The following TACC3 variants were observed in gnomAD, a reference collection of about 807,000 sequenced individuals.
TACC3 encodes transforming acidic coiled-coil-containing protein 3.
Under a neutral mutation model 86.0 loss-of-function variants are expected in TACC3, and 52 were observed. The ratio of observed to expected loss-of-function variants is 0.60; its 90% CI spans 0.48 to 0.76. TACC3 has a LOEUF of 0.76. Ranked by LOEUF, TACC3 falls within the 30% of genes least tolerant of loss-of-function variation. The probability of loss-of-function intolerance (pLI) is 0.00; values close to 1 mark genes in which losing one functional copy is unlikely to be tolerated. For missense variants in TACC3, 1,120 were observed against 1,070.4 expected, an observed-to-expected ratio of 1.05 and a Z score of -0.65; for synonymous variants, 512 against 430.0, an observed-to-expected ratio of 1.19 and a Z score of -2.36.
chr4:1,737,022 A>G (rs1449169365), intron 8 of TACC3, among the ~76,000 whole-genome samples: 1 of 152,098 alleles, frequency 6.6e-6, no homozygotes, highest in Non-Finnish European at 1.5e-5. Flanking sequence ...TCCCGGAAGG[A>G]CAAGCAGCCA....
intron 6 of TACC3, among the ~76,000 whole-genome samples, chr4:1,732,005 G>GT (rs2108696356): frequency 6.6e-6 from 1 of 152,390 alleles, no homozygotes; most frequent in East Asian, 1.9e-4. Flanking sequence ...CGGTTTGTCC[G>GT]TAAGACTGGA....
intron 6 of TACC3, 87 bp downstream of exon 6, chr4:1,731,388 G>C: frequency 6.7e-7 from 1 of 1,482,824 alleles, no homozygotes; most frequent in Non-Finnish European, 9.2e-7. Context: ...CTGCATCATC[G>C]GCAGGTGGTC....
rs754437302 is a variant in TACC3 at position 1,730,932 on chromosome 4, G to C, written c.1431G>C (p.Leu477Phe). The change falls in exon 5 of 16, where the codon TTG (leucine) becomes TTC (phenylalanine). Residue 477 changes from leucine (L) to phenylalanine (F), a missense_variant. Physicochemically the swap from Leu to Phe is conservative, Grantham distance 22. Coordinates refer to ENST00000313288, the MANE Select transcript of TACC3 (RefSeq NM_006342.3). ...CGGAGGACACGCCTGTGGTGCAGTT[G>C]GCAGCCGAGACCCCAACAGCAGAGA... ...ASAEDTPVVQLAAETPTAESK... is the reference protein window; with the variant it reads ...ASAEDTPVVQFAAETPTAESK... 1.9e-6 allele frequency: 3 copies of C among 1,613,454 alleles called. No individual in the cohort carries two copies. Among genetic ancestry groups the C allele is most frequent in the Non-Finnish European group, 2.5e-6 (3 of 1,180,038 alleles).
intron 6 of TACC3, among the ~76,000 whole-genome samples, chr4:1,733,844 G>A (rs1316522613): frequency 6.6e-6 from 1 of 152,090 alleles, no homozygotes; most frequent in African/African-American, 2.4e-5. Flanking sequence ...TGGGTGTGTT[G>A]GCACATGCCT....
intron 3 of TACC3, among the ~76,000 whole-genome samples, chr4:1,726,856 C>T (rs1375859996): frequency 6.6e-6 from 1 of 152,044 alleles, no homozygotes; most frequent in Non-Finnish European, 1.5e-5. Flanking sequence ...ATGCCGGGTG[C>T]GGTGGCTCCT....
At position 1,728,015 on chromosome 4, in the gene TACC3, C is replaced by G. The variant is rs774108725; in HGVS notation, c.613C>G (p.Pro205Ala). ...ACCCGCCTCTGAGACCCTAGAAGAC[C>G]CTTGCAGGACAGAGTCCCAGCACAA... is the stretch of plus-strand genomic sequence containing the variant. ...VTPASETLED[P>A]CRTESQHKAE... The change falls in exon 4 of 16, where the codon CCT (proline) becomes GCT (alanine). Residue 205 changes from proline (P) to alanine (A), a missense_variant. Coordinates refer to ENST00000313288, the MANE Select transcript of TACC3 (RefSeq NM_006342.3). 2 of 1,613,110 alleles carry G rather than the reference C, an allele frequency of 1.2e-6. No homozygotes were observed. Among genetic ancestry groups the G allele is most frequent in the South Asian group, 2.2e-5 (2 of 91,092 alleles).
At chr4:1,724,215 G>C (rs111719361) in intron 3 of TACC3, among the ~76,000 whole-genome samples, 1 of 150,960 alleles carries the variant, frequency 6.6e-6, no homozygotes, top group Non-Finnish European at 1.5e-5. Context: ...CTCATGATGC[G>C]CCCGCCTTGG....
intron 6 of TACC3, among the ~76,000 whole-genome samples, chr4:1,732,527 T>A (rs569164235): frequency 1.3e-5 from 2 of 152,338 alleles, no homozygotes; most frequent in South Asian, 4.1e-4. Context: ...GGCTGAGTTG[T>A]TTTAAAGGAC....
Position 1,735,248 on chromosome 4 carries a change from C to T in TACC3, c.1592-25C>T, listed in dbSNP as rs775977425. On this transcript the variant is annotated intron_variant, in intron 6 of 15. Coordinates refer to ENST00000313288, the MANE Select transcript of TACC3 (RefSeq NM_006342.3). This position sits in a 1 kb window ranked among gnomAD's most constrained non-coding sequence, Gnocchi z 4.2. ...TTAGGGCCCTGGTGAGGGGCGATGG[C>T]GGCGGCATGATTCACTCCTCTCAGT... 7.4e-6 allele frequency: 12 copies of T among 1,613,500 alleles called. No individual in the cohort carries two copies. The highest frequency in any genetic ancestry group is 2.2e-5 in the East Asian group (1 of 44,898).
intron 10 of TACC3, among the ~76,000 whole-genome samples, chr4:1,738,699 GAC>G (rs1718411497): frequency 6.6e-6 from 1 of 152,228 alleles, no homozygotes; most frequent in South Asian, 2.1e-4. Flanking sequence ...TCTTATTCCT[GAC>G]ACAGGTAGCC....
Position 1,728,782 on chromosome 4 carries a change from G to A in TACC3, c.1380G>A (p.Leu460=). The A allele has an allele frequency of 6.2e-7, 1 of 1,603,298 alleles. No individual in the cohort carries two copies. Among genetic ancestry groups the A allele is most frequent in the Non-Finnish European group, 8.5e-7 (1 of 1,175,982 alleles). ...CCACGGAGGAGCCAGGTCCCTGTCT[G>A]AGCCAGTAAGTGTGAGGATGGGATG... ...GPATEEPGPC[L]SQQLHSASAE... The change falls in exon 4 of 16, where the codon CTG becomes CTA. Residue 460 remains leucine (L), a synonymous_variant. Coordinates refer to ENST00000313288, the MANE Select transcript of TACC3 (RefSeq NM_006342.3).
At chr4:1,721,339 C>G (rs1385885565), upstream of TACC3, 3 of 150,194 alleles carry the variant, frequency 2.0e-5, no homozygotes, top group Non-Finnish European at 3.0e-5. Context: ...GGCGTGCCCT[C>G]CACTCCGGAA....
intron 3 of TACC3, among the ~76,000 whole-genome samples, chr4:1,725,728 C>T (rs1717651013): frequency 3.3e-5 from 5 of 152,306 alleles, no homozygotes; most frequent in Admixed American, 2.0e-4. Flanking sequence ...GGCTTGGACT[C>T]GTGGCTGTCA....
rs112182776 is a variant in TACC3, at chr4:1,721,659, C to A, written c.-2+16C>A. ...GGGCGGGCAGGTAGGAGAGCGGCTACACGGCGCGGGGAGGCTGGGGTCCTG... is the reference window on the plus strand; with the variant it reads ...GGGCGGGCAGGTAGGAGAGCGGCTAAACGGCGCGGGGAGGCTGGGGTCCTG... On this transcript the variant is annotated intron_variant, in intron 1 of 15. Coordinates refer to ENST00000313288, the MANE Select transcript of TACC3 (RefSeq NM_006342.3). 27,596 of 152,046 alleles carry A rather than the reference C, an allele frequency of 0.18. 2,750 individuals are homozygous for A. The highest frequency in any genetic ancestry group is 0.2 in the African/African-American group (8,468 of 41,468). The allele number at this position is 152,046 out of a possible 1,614,324, so 9.4% of individuals were successfully genotyped here. A position where few individuals can be genotyped will look rare whatever the true frequency, so the allele number is the denominator to read the frequency against.
Position 1,745,004 on chromosome 4 carries a change from G to A in TACC3, c.2508G>A (p.Glu836=), listed in dbSNP as rs1316600878. The A allele has an allele frequency of 6.2e-7, 1 of 1,608,510 alleles. No individual in the cohort carries two copies. Among genetic ancestry groups the A allele is most frequent in the South Asian group, 1.1e-5 (1 of 89,932 alleles). Residue 836 remains glutamate, a synonymous_variant, in exon 16 of 16, where the codon GAG becomes GAA. Transcript: ENST00000313288. ...GCGACGACCTCATCTCCAAGATGGA[G>A]AAGATCTGACCTCCACGGAGCCGCT... The part of the protein sequence containing the change: ...RICDDLISKM[E]KI
In TACC3 at chr4:1,723,710, C is replaced by A; in HGVS notation, c.163-18C>A. ...CTTGAACTAATGAATAGGTGCTCTC[C>A]TCCTCACTCCGCAACAGGTGACTTT... On this transcript the variant is annotated intron_variant, in intron 2 of 15. Coordinates refer to ENST00000313288, the MANE Select transcript of TACC3 (RefSeq NM_006342.3). 1 of 1,613,594 alleles carries A rather than the reference C, an allele frequency of 6.2e-7. No individual in the cohort carries two copies. Among genetic ancestry groups the A allele is most frequent in the South Asian group, 1.1e-5 (1 of 91,080 alleles).
chr4:1,737,841 G>A (rs1718366323), intron 10 of TACC3, 139 bp downstream of exon 10: 7 of 863,440 alleles, frequency 8.1e-6, no homozygotes, highest in Non-Finnish European at 1.1e-5. Context: ...ATTGCAGAGA[G>A]CTGCCGGCCC....
chr4:1,725,781 G>A (rs1163266089), intron 3 of TACC3, among the ~76,000 whole-genome samples: 1 of 152,238 alleles, frequency 6.6e-6, no homozygotes, highest in Non-Finnish European at 1.5e-5. Flanking sequence ...GGTGGTCACT[G>A]TGGTGCTCCC....
intron 3 of TACC3, among the ~76,000 whole-genome samples, chr4:1,725,649 G>C (rs991283896): frequency 6.6e-6 from 1 of 152,230 alleles, no homozygotes; most frequent in Non-Finnish European, 1.5e-5. Flanking sequence ...GGCAGAGGGT[G>C]TAGAGGAGCT....
Sources: allele counts gnomAD v4.1 joint callset (sites outside exome capture counted in the v4.1 genomes callset), GRCh38; gene constraint gnomAD v4.1.1; non-coding constraint Gnocchi (gnomAD v3.1); transcripts MANE v1.5; gene names NCBI Gene and HGNC (gene_info 2026-07-23, HGNC 2026-07-21).